The following RFC5 variants were observed in gnomAD, a reference collection of about 807,000 sequenced individuals.
RFC5 encodes the protein A1 36 kDa subunit.
Under a neutral mutation model 44.3 loss-of-function variants are expected in RFC5, and 26 were observed. That is an observed-to-expected ratio of 0.59 (90% CI 0.43 to 0.81). The LOEUF is 0.81. Ranked by LOEUF, RFC5 falls within the 40% of genes least tolerant of loss-of-function variation. The pLI is 0.00. For missense variants in RFC5, 328 were observed against 418.6 expected (o/e 0.78, Z 1.89); for synonymous variants, 155 against 155.2 (o/e 1.00, Z 0.01).
intron 7 of RFC5, 112 bp from the exon 8 acceptor site, chr12:118,026,777 A>G: frequency 8.5e-7 from 1 of 1,171,270 alleles, no homozygotes; most frequent in East Asian, 2.4e-5. Context: ...TGCCCATAGA[A>G]CTTTGCTGCT....
intron 1 of RFC5, among the ~76,000 whole-genome samples, chr12:118,017,353 C>T (rs2030163290): frequency 6.6e-6 from 1 of 152,202 alleles, no homozygotes; most frequent in African/African-American, 2.4e-5. Flanking sequence ...TCGATCCTTA[C>T]AAAGACCGTA....
chr12:118,028,351 G>A (rs2031091129), intron 9 of RFC5, among the ~76,000 whole-genome samples: 1 of 152,046 alleles, frequency 6.6e-6, no homozygotes, highest in South Asian at 2.1e-4. Context: ...CTGGCATGGT[G>A]GCGCACGCCT....
chr12:118,025,163 A>T (rs2030850717), intron 6 of RFC5, 153 bp downstream of exon 6: 1 of 576,854 alleles, frequency 1.7e-6, no homozygotes. Context: ...CACTGCTATC[A>T]TTTTCTCTGC....
chr12:118,035,492 T>C (rs1446932071), downstream of RFC5, among the ~76,000 whole-genome samples: 1 of 152,126 alleles, frequency 6.6e-6, no homozygotes, highest in Non-Finnish European at 1.5e-5. Flanking sequence ...AAAAAAAGGG[T>C]ATCTCAGAAG....
chr12:118,019,596 A>G lies in RFC5; in HGVS notation c.131-36A>G, dbSNP rs2030344639. 6.2e-7 allele frequency: 1 copy of G among 1,613,184 alleles called. No homozygotes were observed. The highest frequency in any genetic ancestry group is 1.7e-5 in the Admixed American group (1 of 59,846). The stretch of plus-strand genomic sequence containing the variant: ...CCAGGGTGAATGAGGCAGCTCCCAA[A>G]GACTGATGGTGCCCTTCTTCCTTCC... On this transcript the variant is annotated intron_variant, in intron 2 of 10. Transcript: ENST00000454402. The surrounding 1 kb of genome is among the most constrained non-coding windows in gnomAD (Gnocchi z 4.2).
In RFC5 at chr12:118,020,977, A is replaced by G. The variant is rs1182364145; in HGVS notation, c.339A>G (p.Thr113=). The G allele has an allele frequency of 2.5e-6, 4 of 1,597,476 alleles. No homozygotes were observed. In the East Asian group the frequency reaches 8.9e-5, roughly 36 times the overall value. ...TCCTGAGCTTTGCTAGCACAAGGAC[A>G]ATATTTAAGTAAGAATTATTTGTGT... ...GPILSFASTR[T]IFKKGFKLVI... is the part of the protein sequence containing the mutation. The change falls in exon 4 of 11, where the codon ACA becomes ACG. Residue 113 remains threonine, a synonymous_variant. Coordinates refer to ENST00000454402, the MANE Select transcript of RFC5 (RefSeq NM_007370.7).
At chr12:118,018,480 G>A (rs5745807) in intron 1 of RFC5, among the ~76,000 whole-genome samples, 23,614 of 152,164 alleles carry the variant, frequency 0.16, 1,887 homozygotes, top group Middle Eastern at 0.19. Flanking sequence ...TGACAACTAA[G>A]TATGTTTCTA....
In RFC5 at chr12:118,031,752, G is replaced by A. The variant is rs1348656039; in HGVS notation, c.*474G>A. ...AACAGATGTTAATGGACGTCTGGCC[G>A]AAACTATTATACTTTTATAAGATGA... On this transcript the variant is annotated 3_prime_UTR_variant, in exon 11 of 11. Transcript: ENST00000454402. 1 of 152,218 alleles carries A rather than the reference G, an allele frequency of 6.6e-6. No homozygotes were observed. The highest frequency in any genetic ancestry group is 2.4e-5 in the African/African-American group (1 of 41,446). 9.4% of individuals were successfully genotyped at this position (152,218 alleles called of 1,614,324 possible).
At chr12:118,031,049 C>A in intron 10 of RFC5, 133 bp from the exon 11 acceptor site, 1 of 604,644 alleles carries the variant, frequency 1.7e-6, no homozygotes, top group Admixed American at 3.0e-5. Flanking sequence ...GATTGCCATC[C>A]AGGGCACATT....
downstream of RFC5, chr12:118,035,346 T>A (rs374731610): frequency 3.7e-6 from 6 of 1,608,118 alleles, no homozygotes; most frequent in African/African-American, 8.0e-5. Context: ...AGAAACAGGA[T>A]GGCAGGCCTG....
At chr12:118,025,075 G>T in intron 6 of RFC5, 65 bp downstream of exon 6, 1 of 1,507,032 alleles carries the variant, frequency 6.6e-7, no homozygotes, top group Non-Finnish European at 9.1e-7. Context: ...ATCACTGGCT[G>T]GTTCGTATGT....
At chr12:118,024,811 A>G (rs748325793) in intron 5 of RFC5, 40 bp from the exon 6 acceptor site, 1 of 1,558,736 alleles carries the variant, frequency 6.4e-7, no homozygotes, top group Non-Finnish European at 8.7e-7. Flanking sequence ...AAAAATCAGA[A>G]TGGACTTTGA....
chr12:118,027,231 G>A, intron 8 of RFC5: 2 of 537,784 alleles, frequency 3.7e-6, no homozygotes, highest in Non-Finnish European at 6.7e-6. Flanking sequence ...TTCAAGTCAG[G>A]GTAAGGCTTG....
chr12:118,032,423 G>A (rs540949838), downstream of RFC5: 6 of 152,222 alleles, frequency 3.9e-5, no homozygotes, highest in African/African-American at 9.6e-5. Flanking sequence ...AAATGTAAAC[G>A]TTGGCCAATC....
intron 3 of RFC5, 44 bp from the exon 4 acceptor site, chr12:118,020,862 A>G (rs2137696708): frequency 5.4e-6 from 7 of 1,300,716 alleles, no homozygotes; most frequent in Non-Finnish European, 7.8e-6. Context: ...CACAGATAGC[A>G]CAGCAACATG....
chr12:118,036,576 G>A (rs2031516534), downstream of RFC5: 9 of 1,500,220 alleles, frequency 6.0e-6, no homozygotes, highest in South Asian at 1.2e-4. Flanking sequence ...ACGGAGGGAG[G>A]GAAAGGTACC....
At chr12:118,027,855 C>A (rs2031058276) in intron 8 of RFC5, 98 bp from the exon 9 acceptor site, 1 of 747,660 alleles carries the variant, frequency 1.3e-6, no homozygotes, top group African/African-American at 1.7e-5. Context: ...GGATTAAAAG[C>A]CTTACTTTAA....
chr12:118,029,173 A>G (rs1193531613), intron 9 of RFC5, among the ~76,000 whole-genome samples: 1 of 152,246 alleles, frequency 6.6e-6, no homozygotes, highest in African/African-American at 2.4e-5. Flanking sequence ...TAATCCCAAC[A>G]CTTTGGGAAG....
At chr12:118,037,680 A>G (rs1488024602), downstream of RFC5, among the ~76,000 whole-genome samples, 1 of 149,788 alleles carries the variant, frequency 6.7e-6, no homozygotes, top group African/African-American at 2.5e-5. Flanking sequence ...AAAAAAAAAA[A>G]AAGAAAAGAA....
Sources: allele counts gnomAD v4.1 joint callset (sites outside exome capture counted in the v4.1 genomes callset), GRCh38; gene constraint gnomAD v4.1.1; non-coding constraint Gnocchi (gnomAD v3.1); transcripts MANE v1.5; gene names NCBI Gene and HGNC (gene_info 2026-07-23, HGNC 2026-07-21).